ZNF324B: variants seen among roughly 807,000 people sequenced by gnomAD.
ZNF324B encodes zinc finger protein 324B.
ZNF324B carries 7 observed loss-of-function variants against 10.6 expected under a neutral mutation model. The observed-to-expected ratio is 0.66, with a 90% CI of 0.38 to 1.24. The LOEUF is 1.24. Among genes scored for constraint, ZNF324B ranks in the 50% most tolerant of loss-of-function variants. ZNF324B has a pLI of 0.02. For synonymous variants in ZNF324B, 316 were observed against 321.0 expected (o/e 0.98, Z 0.17); for missense variants, 640 against 764.7 (o/e 0.84, Z 1.92).
chr19:58,446,573 CTTTTTTTTTT>C, the ZNF324B span, among the ~76,000 whole-genome samples: 5 of 102,510 alleles, frequency 4.9e-5, no homozygotes, highest in Admixed American at 2.0e-4. Context: ...ATTTCTTTCT[CTTTTTTTTTT>C]TTTTTTTTTT....
the ZNF324B span, chr19:58,429,176 C>G: frequency 6.6e-6 from 1 of 152,208 alleles, no homozygotes; most frequent in African/African-American, 2.4e-5. Flanking sequence ...TCAGTGCCCC[C>G]TTACAAAAGC....
the ZNF324B span, among the ~76,000 whole-genome samples, chr19:58,420,581 T>C: frequency 1.3e-5 from 2 of 152,056 alleles, no homozygotes; most frequent in African/African-American, 4.8e-5. Flanking sequence ...TTTTTTTTTT[T>C]TTAAGAGACA....
intron 1 of ZNF324B, chr19:58,452,513 C>G (rs1401666043): frequency 1.3e-5 from 2 of 156,346 alleles, no homozygotes; most frequent in South Asian, 2.0e-4. Context: ...TCTGGTGGAT[C>G]TGCGGATGCA....
chr19:58,439,992 C>T, the ZNF324B span: 1 of 652,328 alleles, frequency 1.5e-6, no homozygotes, highest in Non-Finnish European at 2.6e-6. Flanking sequence ...GCGCTGGCTC[C>T]ACTTTCGGGA....
chr19:58,455,012 G>T lies in ZNF324B; in HGVS notation c.239-171G>T. 1.1e-6 allele frequency: 1 copy of T among 883,538 alleles called. No homozygotes were observed. 54.7% of individuals were successfully genotyped at this position (883,538 alleles called of 1,614,324 possible). ...ACTGCAGTCAGTGCCACACCTGTCA[G>T]GGCAGATGCTTCCTCCAAACCCCAG... On this transcript the variant is annotated intron_variant, in intron 3 of 3. Coordinates refer to ENST00000336614, the MANE Select transcript of ZNF324B (RefSeq NM_207395.3). This position sits in a 1 kb window ranked among gnomAD's most constrained non-coding sequence, Gnocchi z 7.0.
the ZNF324B span, chr19:58,440,923 CA>C: frequency 1.3e-5 from 2 of 152,570 alleles, no homozygotes; most frequent in Middle Eastern, 6.8e-3. Flanking sequence ...GACTCAGCAC[CA>C]TTGTCCTAAG....
chr19:58,435,230 C>T, the ZNF324B span: 3 of 1,589,372 alleles, frequency 1.9e-6, no homozygotes, highest in Non-Finnish European at 2.6e-6. Context: ...AGAGAAATGC[C>T]AGTTAACTAA....
chr19:58,446,118 G>C, the ZNF324B span, among the ~76,000 whole-genome samples: 1 of 152,208 alleles, frequency 6.6e-6, no homozygotes, highest in Non-Finnish European at 1.5e-5. Context: ...CTGGGCAACA[G>C]AGTGAAACTC....
intron 3 of ZNF324B, chr19:58,454,860 T>G (rs1599982292): frequency 5.6e-6 from 3 of 535,170 alleles, no homozygotes; most frequent in Middle Eastern, 2.9e-4. Context: ...GAGAAGGGAG[T>G]GAGCTATGGA....
chr19:58,438,773 ATTTTTT>A, the ZNF324B span, among the ~76,000 whole-genome samples: 375 of 106,494 alleles, frequency 3.5e-3, 6 homozygotes, highest in Admixed American at 0.033. Flanking sequence ...ACGCCCGGCA[ATTTTTT>A]TTTTTTTTTA....
At chr19:58,451,999 G>A in intron 1 of ZNF324B, 1 of 241,370 alleles carries the variant, frequency 4.1e-6, no homozygotes, top group Non-Finnish European at 8.3e-6. Flanking sequence ...CGCCGGGGGG[G>A]CGGGGGAGTC....
chr19:58,434,236 T>A, the ZNF324B span: 1 of 1,613,830 alleles, frequency 6.2e-7, no homozygotes, highest in South Asian at 1.1e-5. Context: ...ACTGCACTCA[T>A]AAGGTCTTAC....
chr19:58,427,546 G>T, the ZNF324B span, among the ~76,000 whole-genome samples: 1 of 140,230 alleles, frequency 7.1e-6, no homozygotes, highest in African/African-American at 2.7e-5. Context: ...GTAGAGATGG[G>T]ATTTCTCCAT....
chr19:58,455,656 C>T lies in ZNF324B; in HGVS notation c.712C>T (p.Gln238Ter), dbSNP rs750967120. The T allele has an allele frequency of 5.6e-6, 9 of 1,613,664 alleles. No homozygotes were observed. The highest frequency in any genetic ancestry group is 7.6e-6 in the Non-Finnish European group (9 of 1,179,914). The change falls in exon 4 of 4, where the codon CAG becomes TAG. Residue 238 changes from glutamine (Q) to a stop codon, truncating the protein, a stop_gained. Coordinates refer to ENST00000336614, the MANE Select transcript of ZNF324B (RefSeq NM_207395.3). LOFTEE classifies it low-confidence loss of function (END_TRUNC). This position sits in a 1 kb window ranked among gnomAD's most constrained non-coding sequence, Gnocchi z 7.0. ...GGAGCCTCATAGACTCCTCGGTGGC[C>T]AGGAGCCCTCGACCTGGGACGAGCT... ...WQEPHRLLGG[Q>*]EPSTWDELGE...
upstream of ZNF324B, among the ~76,000 whole-genome samples, chr19:58,448,246 ATGGCTT>A (rs2052836366): frequency 6.6e-6 from 1 of 152,190 alleles, no homozygotes; most frequent in African/African-American, 2.4e-5. Context: ...GACTTGTTGA[ATGGCTT>A]TGACCAAAAT....
the ZNF324B span, chr19:58,440,959 C>T: frequency 2.0e-5 from 3 of 152,432 alleles, no homozygotes; most frequent in Admixed American, 6.5e-5. Flanking sequence ...GTATCTGCCC[C>T]AGGTCCTCTG....
At chr19:58,449,106 G>C (rs1414793353), upstream of ZNF324B, among the ~76,000 whole-genome samples, 1 of 152,216 alleles carries the variant, frequency 6.6e-6, no homozygotes, top group East Asian at 1.9e-4. Flanking sequence ...CATCCCAGCT[G>C]CTTGAACTAT....
upstream of ZNF324B, among the ~76,000 whole-genome samples, chr19:58,448,634 G>T (rs150374571): frequency 3.9e-5 from 6 of 152,180 alleles, no homozygotes; most frequent in African/African-American, 1.4e-4. Context: ...GGCTGAGGCA[G>T]GAGACTGGCA....
the ZNF324B span, chr19:58,430,925 T>A: frequency 1.3e-5 from 2 of 152,200 alleles, no homozygotes; most frequent in African/African-American, 4.8e-5. Context: ...GGCTTCCCTG[T>A]GCCATGAGTA....
Sources: gnomAD v4.1 joint callset for allele counts (sites outside exome capture counted in the v4.1 genomes callset) on GRCh38, gnomAD v4.1.1 for gene constraint, Gnocchi (gnomAD v3.1) non-coding constraint, MANE v1.5 for transcripts, NCBI Gene and HGNC (gene_info 2026-07-23, HGNC 2026-07-21) for gene names.